The following NKAIN2 variants were observed in gnomAD, a reference collection of about 807,000 sequenced individuals.
The protein encoded by NKAIN2 is sodium/potassium-transporting ATPase subunit beta-1-interacting protein 2.
A neutral mutation model predicts 32.6 loss-of-function variants in NKAIN2; 14 were observed. That is an observed-to-expected ratio of 0.43 (90% confidence interval 0.28 to 0.67). The LOEUF is 0.67. Among genes scored for constraint, NKAIN2 ranks in the 30% least tolerant of loss-of-function variants. NKAIN2 has a pLI of 0.17. For missense variants in NKAIN2, 198 were observed against 258.3 expected, an observed-to-expected ratio of 0.77 and a Z score of 1.60; for synonymous variants, 80 against 87.2, an observed-to-expected ratio of 0.92 and a Z score of 0.46.
intron 3 of NKAIN2, among the ~76,000 whole-genome samples, chr6:124,545,761 A>G (rs1397782516): frequency 6.6e-6 from 1 of 152,082 alleles, no homozygotes; most frequent in Non-Finnish European, 1.5e-5. Flanking sequence ...GTTTATGTGC[A>G]GTGTACTAAA....
chr6:123,881,180 C>A (rs7765114), intron 1 of NKAIN2, among the ~76,000 whole-genome samples: 41,969 of 151,846 alleles, frequency 0.28, 6,323 homozygotes, highest in East Asian at 0.48. Flanking sequence ...CACCACCACA[C>A]GCAGCTATTT....
chr6:123,839,260 A>G (rs1414924440), intron 1 of NKAIN2, among the ~76,000 whole-genome samples: 1 of 152,068 alleles, frequency 6.6e-6, no homozygotes, highest in Non-Finnish European at 1.5e-5. Flanking sequence ...TCAATTTCAG[A>G]GTAACTTTTA....
chr6:123,962,563 C>T (rs937580262), intron 1 of NKAIN2, among the ~76,000 whole-genome samples: 30 of 152,184 alleles, frequency 2.0e-4, no homozygotes, highest in Non-Finnish European at 1.6e-4. Flanking sequence ...TTACTTCACT[C>T]ATCTCCTTCA....
chr6:124,279,274 G>A (rs7747982), intron 1 of NKAIN2, among the ~76,000 whole-genome samples: 11,827 of 152,022 alleles, frequency 0.078, 598 homozygotes, highest in East Asian at 0.18. Flanking sequence ...TTGGGAGGCC[G>A]ACGTGGGCCG....
intron 4 of NKAIN2, among the ~76,000 whole-genome samples, chr6:124,700,178 A>G (rs1413270314): frequency 6.6e-6 from 1 of 152,212 alleles, no homozygotes; most frequent in Non-Finnish European, 1.5e-5. Context: ...GACTCTAATT[A>G]TTGTTCTACA....
At chr6:123,808,133 A>G (rs1773296770) in intron 1 of NKAIN2, among the ~76,000 whole-genome samples, 1 of 152,210 alleles carries the variant, frequency 6.6e-6, no homozygotes, top group African/African-American at 2.4e-5. Flanking sequence ...TTTAGAAAAT[A>G]AAGCGTTGCT....
At chr6:124,002,439 C>T (rs576667564) in intron 1 of NKAIN2, among the ~76,000 whole-genome samples, 44 of 150,550 alleles carry the variant, frequency 2.9e-4, no homozygotes, top group Middle Eastern at 3.4e-3. Context: ...ATTTGTTTTC[C>T]TATCTGTCCC....
At chr6:124,729,399 T>C (rs1399869921) in intron 4 of NKAIN2, among the ~76,000 whole-genome samples, 1 of 151,676 alleles carries the variant, frequency 6.6e-6, no homozygotes, top group Non-Finnish European at 1.5e-5. Context: ...CAAGGCTGGT[T>C]CAATATACAC....
At chr6:124,224,173 C>T (rs150741262) in intron 1 of NKAIN2, among the ~76,000 whole-genome samples, 1 of 152,224 alleles carries the variant, frequency 6.6e-6, no homozygotes, top group Admixed American at 6.5e-5. Flanking sequence ...AATTTACGTA[C>T]AGTATGCACA....
At chr6:124,396,228 C>T (rs535132191) in intron 3 of NKAIN2, among the ~76,000 whole-genome samples, 1 of 151,480 alleles carries the variant, frequency 6.6e-6, no homozygotes, top group Non-Finnish European at 1.5e-5. Context: ...ATGGGCATCG[C>T]AAGATTTAAT....
chr6:124,497,437 G>A (rs145169842), intron 3 of NKAIN2, among the ~76,000 whole-genome samples: 249 of 152,220 alleles, frequency 1.6e-3, no homozygotes, highest in African/African-American at 5.7e-3. Flanking sequence ...GCTTTTCACA[G>A]CGAAGAAGGG....
At chr6:124,625,541 T>A (rs1474359572) in intron 3 of NKAIN2, among the ~76,000 whole-genome samples, 1 of 152,076 alleles carries the variant, frequency 6.6e-6, no homozygotes, top group Non-Finnish European at 1.5e-5. Flanking sequence ...GCAATTAGTA[T>A]GATAATAATA....
chr6:124,208,902 A>G (rs1041174751), intron 1 of NKAIN2, among the ~76,000 whole-genome samples: 4 of 151,724 alleles, frequency 2.6e-5, no homozygotes, highest in African/African-American at 9.7e-5. Context: ...TAGAATGTGC[A>G]ATGATCAAAT....
intron 4 of NKAIN2, among the ~76,000 whole-genome samples, chr6:124,783,872 G>A (rs903455218): frequency 3.3e-5 from 5 of 152,088 alleles, no homozygotes; most frequent in Non-Finnish European, 5.9e-5. Context: ...ATTACAAAAA[G>A]CATGGGCTTA....
chr6:124,478,878 G>C (rs1777337472), intron 3 of NKAIN2, among the ~76,000 whole-genome samples: 2 of 152,106 alleles, frequency 1.3e-5, no homozygotes, highest in African/African-American at 2.4e-5. Flanking sequence ...TAATTTTACA[G>C]TGGAGAAACC....
intron 1 of NKAIN2, among the ~76,000 whole-genome samples, chr6:124,093,267 G>A (rs7760206): frequency 0.038 from 5,724 of 152,070 alleles, 267 homozygotes; most frequent in African/African-American, 0.11. Flanking sequence ...CTGCAGTTAC[G>A]GAGAATCAGT....
At chr6:124,745,787 C>A (rs1562359935) in intron 4 of NKAIN2, among the ~76,000 whole-genome samples, 1 of 151,744 alleles carries the variant, frequency 6.6e-6, no homozygotes, top group Non-Finnish European at 1.5e-5. Context: ...CCTTAGTGTG[C>A]AAATCCATGT....
intron 4 of NKAIN2, among the ~76,000 whole-genome samples, chr6:124,701,154 C>A (rs917051420): frequency 4.6e-5 from 2 of 43,108 alleles, no homozygotes; most frequent in South Asian, 1.1e-3. Context: ...CACACACACG[C>A]ACACACACAC....
intron 2 of NKAIN2, among the ~76,000 whole-genome samples, chr6:124,348,547 C>T (rs1798558137): frequency 6.6e-6 from 1 of 152,180 alleles, no homozygotes; most frequent in Non-Finnish European, 1.5e-5. Flanking sequence ...GGCGGGTGCC[C>T]CTCCCCCAGC....
Sources: allele counts gnomAD v4.1 joint callset (sites outside exome capture counted in the v4.1 genomes callset), GRCh38; gene constraint gnomAD v4.1.1; transcripts MANE v1.5; gene names NCBI Gene and HGNC (gene_info 2026-07-23, HGNC 2026-07-21).